The following LOC400499 variants were observed in gnomAD, a reference collection of about 807,000 sequenced individuals.
chr16:11,521,857 A>G, the LOC400499 span: 1 of 397,964 alleles, frequency 2.5e-6, no homozygotes, highest in Admixed American at 4.4e-5. Context: ...TCCTCTGTTG[A>G]TTAAGCAAAT....
the LOC400499 span, among the ~76,000 whole-genome samples, chr16:11,429,507 C>G: frequency 6.6e-6 from 1 of 152,216 alleles, no homozygotes; most frequent in Non-Finnish European, 1.5e-5. Context: ...GAGTCTCACT[C>G]TATCACCCAG....
At chr16:11,404,581 G>C in the LOC400499 span, 6 of 394,328 alleles carry the variant, frequency 1.5e-5, no homozygotes, top group African/African-American at 6.2e-5. Flanking sequence ...TCCTGACCTC[G>C]AGTGATCTAC....
chr16:11,498,797 T>A, the LOC400499 span, among the ~76,000 whole-genome samples: 1 of 151,660 alleles, frequency 6.6e-6, no homozygotes, highest in Admixed American at 6.6e-5. Flanking sequence ...CTTGGCTCAG[T>A]GCTGTGTCCC....
chr16:11,426,115 T>C, the LOC400499 span, among the ~76,000 whole-genome samples: 3 of 152,124 alleles, frequency 2.0e-5, no homozygotes, highest in Non-Finnish European at 1.5e-5. Context: ...AGAAAAGGCA[T>C]TTGACTATAT....
chr16:11,456,108 G>C, the LOC400499 span, among the ~76,000 whole-genome samples: 2 of 150,642 alleles, frequency 1.3e-5, no homozygotes, highest in Non-Finnish European at 2.9e-5. Flanking sequence ...GCAGTGGTGT[G>C]ATCTCTGCTC....
chr16:11,394,840 G>T, the LOC400499 span, among the ~76,000 whole-genome samples: 1 of 152,166 alleles, frequency 6.6e-6, no homozygotes, highest in Non-Finnish European at 1.5e-5. Context: ...ACTTTGAGAG[G>T]GAGTGTGGCC....
the LOC400499 span, among the ~76,000 whole-genome samples, chr16:11,488,015 G>A: frequency 1.3e-5 from 2 of 151,920 alleles, no homozygotes; most frequent in Non-Finnish European, 2.9e-5. Context: ...TACTCGGGAG[G>A]CTGAGGTAGA....
the LOC400499 span, among the ~76,000 whole-genome samples, chr16:11,427,504 C>T: frequency 5.3e-5 from 8 of 151,912 alleles, no homozygotes; most frequent in Non-Finnish European, 1.0e-4. Context: ...GAATGCAGTG[C>T]CACAATCATG....
At chr16:11,379,710 T>C in the LOC400499 span, among the ~76,000 whole-genome samples, 2 of 152,238 alleles carry the variant, frequency 1.3e-5, no homozygotes, top group Non-Finnish European at 2.9e-5. Flanking sequence ...TGTTGATTGT[T>C]TTCTGCATGG....
At chr16:11,375,877 G>C in the LOC400499 span, among the ~76,000 whole-genome samples, 1 of 152,006 alleles carries the variant, frequency 6.6e-6, no homozygotes, top group Non-Finnish European at 1.5e-5. Context: ...TTACACGCAT[G>C]CACCACCATG....
the LOC400499 span, among the ~76,000 whole-genome samples, chr16:11,440,416 C>T: frequency 6.6e-6 from 1 of 152,236 alleles, no homozygotes; most frequent in African/African-American, 2.4e-5. Flanking sequence ...CACTCTCTGT[C>T]CCTCCATCTG....
At chr16:11,419,748 C>T in the LOC400499 span, among the ~76,000 whole-genome samples, 5 of 151,946 alleles carry the variant, frequency 3.3e-5, no homozygotes, top group East Asian at 1.9e-4. Flanking sequence ...CTCAAATTTA[C>T]AAGAAAAAAA....
the LOC400499 span, among the ~76,000 whole-genome samples, chr16:11,427,186 C>CCAGGCTGGAATGCA: frequency 6.6e-6 from 1 of 151,044 alleles, no homozygotes; most frequent in East Asian, 2.0e-4. Context: ...GGAGAAACCC[C>CCAGGCTGGAATGCA]GTCTCTACTA....
At chr16:11,415,663 A>ATGT in the LOC400499 span, among the ~76,000 whole-genome samples, 5 of 152,224 alleles carry the variant, frequency 3.3e-5, no homozygotes, top group Non-Finnish European at 5.9e-5. Context: ...GATACCAAGA[A>ATGT]TGTTAACGAC....
chr16:11,471,964 G>A, the LOC400499 span: 4 of 396,996 alleles, frequency 1.0e-5, no homozygotes, highest in Admixed American at 4.4e-5. Flanking sequence ...CTCCTGTGAG[G>A]CAGTGGTGTG....
At chr16:11,380,306 T>TTTTG in the LOC400499 span, among the ~76,000 whole-genome samples, 12 of 152,214 alleles carry the variant, frequency 7.9e-5, no homozygotes, top group East Asian at 2.3e-3. Context: ...CTCTCTCAGC[T>TTTTG]TTTGTTTATC....
At chr16:11,451,923 C>A in the LOC400499 span, among the ~76,000 whole-genome samples, 6 of 152,116 alleles carry the variant, frequency 3.9e-5, no homozygotes, top group Non-Finnish European at 7.3e-5. Flanking sequence ...CCACGGGAAG[C>A]GGGAAGATGG....
At chr16:11,412,099 A>C in the LOC400499 span, among the ~76,000 whole-genome samples, 1 of 151,996 alleles carries the variant, frequency 6.6e-6, no homozygotes, top group Non-Finnish European at 1.5e-5. Context: ...TTCTGGGCTT[A>C]AGCAATCCTC....
the LOC400499 span, chr16:11,399,309 C>A: frequency 5.1e-4 from 461 of 908,332 alleles, 4 homozygotes; most frequent in African/African-American, 7.8e-3. Flanking sequence ...GGAAGGGAAC[C>A]ATTTCACAGA....
Sources: allele counts gnomAD v4.1 joint callset (sites outside exome capture counted in the v4.1 genomes callset), GRCh38; gene constraint gnomAD v4.1.1; transcripts MANE v1.5.